The following FAM234A variants were observed in gnomAD, a reference collection of about 807,000 sequenced individuals.
FAM234A encodes family with sequence similarity 234 member A, also known as protein FAM234A.
In FAM234A, 42 loss-of-function variants were observed where a neutral mutation model predicts 49.1. The observed-to-expected ratio is 0.86, with a 90% CI of 0.67 to 1.11. The LOEUF (loss-of-function observed/expected upper bound fraction) is 1.11. Among genes scored for constraint, FAM234A ranks in the 50% least tolerant of loss-of-function variants. The pLI, the probability that FAM234A is intolerant of heterozygous loss-of-function variation, is 0.00. For missense variants in FAM234A, 815 were observed against 745.2 expected, an observed-to-expected ratio of 1.09 and a Z score of -1.09; for synonymous variants, 369 against 316.2, an observed-to-expected ratio of 1.17 and a Z score of -1.77.
At chr16:240,865 A>G (rs943743399) in intron 1 of FAM234A, among the ~76,000 whole-genome samples, 12 of 152,170 alleles carry the variant, frequency 7.9e-5, no homozygotes, top group African/African-American at 2.9e-4. Flanking sequence ...TGGTGAAACT[A>G]GATAGTAACA....
rs200260518 is a variant in FAM234A, at chr16:246,214, C to CAAA, written c.-139-3330_-139-3328dup. 4.1e-3 allele frequency among the ~76,000 whole-genome samples: 610 copies of CAAA among 147,502 alleles called. 2 individuals carry two copies. Among genetic ancestry groups the CAAA allele is most frequent in the South Asian group, 6.4e-3 (30 of 4,680 alleles). On this transcript the variant is annotated intron_variant, in intron 1 of 12. Coordinates refer to ENST00000399932, the MANE Select transcript of FAM234A (RefSeq NM_032039.4). ...TAGGTGACAGAGCAAGATTCTGTCT[C>CAAA]AAAAAAATAATAATAATAATAATAA...
At chr16:252,526 A>C (rs1412369132) in intron 2 of FAM234A, among the ~76,000 whole-genome samples, 2 of 151,944 alleles carry the variant, frequency 1.3e-5, no homozygotes, top group East Asian at 3.9e-4. Flanking sequence ...CTAGGACTGG[A>C]CTTGCTGGAG....
intron 3 of FAM234A, among the ~76,000 whole-genome samples, chr16:257,236 CTTTTTTTTTTTTTT>C (rs759071082): frequency 2.2e-5 from 2 of 89,014 alleles, no homozygotes; most frequent in Admixed American, 2.3e-4. Context: ...TCAATGAAGT[CTTTTTTTTTTTTTT>C]TTTTTTTTTT....
intron 1 of FAM234A, among the ~76,000 whole-genome samples, chr16:235,198 G>A (rs1023651394): frequency 2.0e-5 from 3 of 152,238 alleles, no homozygotes; most frequent in African/African-American, 7.2e-5. Flanking sequence ...CCGCCGTGGC[G>A]CAGCGTAGGT....
At chr16:248,588 G>A (rs140644508) in intron 1 of FAM234A, among the ~76,000 whole-genome samples, 2,333 of 152,004 alleles carry the variant, frequency 0.015, 82 homozygotes, top group African/African-American at 0.053. Context: ...GGAGCCACAA[G>A]ATGAAAGGAG....
intron 1 of FAM234A, among the ~76,000 whole-genome samples, chr16:246,335 G>T (rs1441176005): frequency 6.8e-6 from 1 of 146,018 alleles, no homozygotes; most frequent in East Asian, 2.0e-4. Flanking sequence ...CTGGAGCACA[G>T]TGGTGCAGTC....
intron 5 of FAM234A, chr16:260,595 G>A (rs1331725154): frequency 2.1e-6 from 1 of 475,504 alleles, no homozygotes; most frequent in South Asian, 1.5e-5. Flanking sequence ...AGGTCTCCGA[G>A]CCCCAGCGGA....
chr16:261,283 G>A (rs2051453984), intron 5 of FAM234A, 101 bp from the exon 6 acceptor site: 1 of 1,399,566 alleles, frequency 7.1e-7, no homozygotes, highest in African/African-American at 1.4e-5. Context: ...TCACGAGGGT[G>A]ATGCCTCAAC....
chr16:249,394 C>T (rs1291616800), intron 1 of FAM234A, among the ~76,000 whole-genome samples, 155 bp from the exon 2 acceptor site: 1 of 151,998 alleles, frequency 6.6e-6, no homozygotes, highest in Non-Finnish European at 1.5e-5. Flanking sequence ...CAACTTAGTC[C>T]TTCTGGGGGT....
intron 1 of FAM234A, among the ~76,000 whole-genome samples, chr16:238,385 T>C (rs1315308057): frequency 6.6e-6 from 1 of 152,156 alleles, no homozygotes; most frequent in Non-Finnish European, 1.5e-5. Flanking sequence ...CCTGGTCCTA[T>C]GATTTCAGCT....
chr16:246,726 G>GT (rs567089337), intron 1 of FAM234A, among the ~76,000 whole-genome samples: 246 of 137,722 alleles, frequency 1.8e-3, no homozygotes, highest in Middle Eastern at 3.8e-3. Flanking sequence ...GCCAGCTGGT[G>GT]TTTTTTTTTT....
In FAM234A at chr16:264,649, C is replaced by T; in HGVS notation, c.1380C>T (p.Phe460=). The T allele has an allele frequency of 1.2e-6, 2 of 1,611,774 alleles. No individual in the cohort carries two copies. Among genetic ancestry groups the T allele is most frequent in the Non-Finnish European group, 8.5e-7 (1 of 1,179,920 alleles). ...TGEARHSLYM[F]HPTLPRVLLE... is the part of the protein sequence containing the mutation. ...AGGCCCGGCACAGCCTGTACATGTT[C>T]CACCCCACCCTGCCGCGCGTGCTGC... is the stretch of plus-strand genomic sequence containing the variant. The change falls in exon 12 of 13, where the codon TTC becomes TTT. Residue 460 remains phenylalanine (F), a synonymous_variant. Coordinates refer to ENST00000399932, the MANE Select transcript of FAM234A (RefSeq NM_032039.4).
At chr16:267,540 C>T (rs8063745), downstream of FAM234A, among the ~76,000 whole-genome samples, 2,939 of 120,218 alleles carry the variant, frequency 0.024, 10 homozygotes, top group East Asian at 0.075. Context: ...ACACACCACA[C>T]ATGCATGCCT....
Position 234,842 on chromosome 16 carries a change from G to C in FAM234A, c.-155G>C, listed in dbSNP as rs1017894817. Reference sequence around the variant, plus strand: ...CGGGGCCAGCGGCGCGGTCGGGTGAGAGGCCGCGGCGGCAGGTGAGTGAGC... The same window carrying C: ...CGGGGCCAGCGGCGCGGTCGGGTGACAGGCCGCGGCGGCAGGTGAGTGAGC... On this transcript the variant is annotated 5_prime_UTR_variant, in exon 1 of 13. Coordinates refer to ENST00000399932, the MANE Select transcript of FAM234A (RefSeq NM_032039.4). 1 of 152,544 alleles carries C rather than the reference G, an allele frequency of 6.6e-6. No homozygotes were observed. The highest frequency in any genetic ancestry group is 2.4e-5 in the African/African-American group (1 of 41,446). 9.4% of individuals were successfully genotyped at this position (152,544 alleles called of 1,614,324 possible).
intron 3 of FAM234A, 118 bp from the exon 4 acceptor site, chr16:259,365 G>A (rs566532164): frequency 4.3e-4 from 286 of 668,734 alleles, no homozygotes; most frequent in Non-Finnish European, 6.7e-4. Context: ...CACCGTCCTC[G>A]TTGGGTGCCC....
In FAM234A at chr16:266,078, T is replaced by C; in HGVS notation, c.*1056T>C. ...CCAAGGAAGAAAGCAGAATAAACAT[T>C]TTTGCACTGCCTGAAAAACCCCGGT... On this transcript the variant is annotated 3_prime_UTR_variant, in exon 13 of 13. Coordinates refer to ENST00000399932, the MANE Select transcript of FAM234A (RefSeq NM_032039.4). 1 of 985,804 alleles carries C rather than the reference T, an allele frequency of 1.0e-6. No individual in the cohort carries two copies. The allele number at this position is 985,804 out of a possible 1,614,324, so 61.1% of individuals were successfully genotyped here.
chr16:235,582 T>C (rs2050371681), intron 1 of FAM234A, among the ~76,000 whole-genome samples: 2 of 152,188 alleles, frequency 1.3e-5, no homozygotes, highest in African/African-American at 4.8e-5. Flanking sequence ...TTCTAAACCT[T>C]GTGATTCCAG....
intron 1 of FAM234A, among the ~76,000 whole-genome samples, chr16:244,854 ATT>A (rs1203898846): frequency 1.3e-4 from 19 of 147,366 alleles, no homozygotes; most frequent in Non-Finnish European, 2.3e-4. Context: ...CGCCCGGCTA[ATT>A]TTTTTTTGTA....
chr16:263,904 A>C, intron 10 of FAM234A, 112 bp from the exon 11 acceptor site: 2 of 1,420,108 alleles, frequency 1.4e-6, no homozygotes, highest in South Asian at 1.2e-5. Flanking sequence ...TGCCTCCCTC[A>C]GAGCATCTGC....
Sources: allele counts gnomAD v4.1 joint callset (sites outside exome capture counted in the v4.1 genomes callset), GRCh38; gene constraint gnomAD v4.1.1; transcripts MANE v1.5; gene names NCBI Gene and HGNC (gene_info 2026-07-23, HGNC 2026-07-21).